Variants in RPRD2 observed in about 807,000 individuals in gnomAD.
The protein encoded by RPRD2 is regulation of nuclear pre-mRNA domain containing 2.
A neutral mutation model predicts 104.4 loss-of-function variants in RPRD2; 12 were observed. The observed-to-expected ratio is 0.11, with a 90% confidence interval of 0.07 to 0.19. RPRD2 has a LOEUF of 0.19. Ranked by LOEUF, RPRD2 falls within the 10% of genes least tolerant of loss-of-function variation. The pLI is 1.00. For synonymous variants in RPRD2, 714 were observed against 684.9 expected (o/e 1.04, Z -0.66); for missense variants, 1,543 against 1,790.1 (o/e 0.86, Z 2.49).
At chr1:150,370,311 C>T (rs1553878104) in intron 1 of RPRD2, among the ~76,000 whole-genome samples, 1 of 152,146 alleles carries the variant, frequency 6.6e-6, no homozygotes, top group African/African-American at 2.4e-5. Context: ...TACTGGATGA[C>T]ACTTTGCAAA....
At chr1:150,436,130 G>GA (rs587754906) in intron 2 of RPRD2, among the ~76,000 whole-genome samples, 14,274 of 129,420 alleles carry the variant, frequency 0.11, 765 homozygotes, top group Non-Finnish European at 0.14. Flanking sequence ...CTTGTTCAGG[G>GA]AAAAAAAAAA....
chr1:150,396,046 C>G (rs1553884149), intron 1 of RPRD2, among the ~76,000 whole-genome samples: 11 of 152,088 alleles, frequency 7.2e-5, no homozygotes, highest in Non-Finnish European at 5.9e-5. Context: ...TTGGAGGAGT[C>G]AGGTGGTATC....
At chr1:150,451,243 A>C (rs1667146712) in intron 7 of RPRD2, among the ~76,000 whole-genome samples, 1 of 152,176 alleles carries the variant, frequency 6.6e-6, no homozygotes, top group Admixed American at 6.5e-5. Flanking sequence ...TGTGTTCTTC[A>C]TGTTTCGTCT....
intron 2 of RPRD2, among the ~76,000 whole-genome samples, chr1:150,423,187 C>T (rs12759551): frequency 0.085 from 13,004 of 152,094 alleles, 677 homozygotes; most frequent in African/African-American, 0.11. Flanking sequence ...ACCATGAGAC[C>T]GGAATAGTTG....
At chr1:150,401,805 G>A (rs749435508) in intron 1 of RPRD2, among the ~76,000 whole-genome samples, 29 of 151,166 alleles carry the variant, frequency 1.9e-4, no homozygotes, top group Non-Finnish European at 3.2e-4. Context: ...CACCACGCCC[G>A]GCTAATTTTT....
rs190114235 is a variant in RPRD2 at position 150,416,043 on chromosome 1, G to A, written c.206-1553G>A. Among the ~76,000 whole-genome samples, 84 of 152,240 alleles carry A rather than the reference G, an allele frequency of 5.5e-4. 2 individuals carry two copies. The East Asian group carries it at 0.015, about 27-fold the overall frequency. On this transcript the variant is annotated intron_variant, in intron 1 of 10. Transcript: ENST00000369068. ...GTGGAGGGACTGTATGTAGCATTGC[G>A]GGCCCAGGTGAAGAAGGAGACTTTT...
At chr1:150,452,072 G>T (rs1350221816) in intron 7 of RPRD2, among the ~76,000 whole-genome samples, 3 of 149,848 alleles carry the variant, frequency 2.0e-5, no homozygotes, top group Non-Finnish European at 4.4e-5. Flanking sequence ...AACCCAGGAG[G>T]CAGAGGTTGC....
intron 1 of RPRD2, among the ~76,000 whole-genome samples, chr1:150,379,408 G>A (rs781859456): frequency 1.3e-5 from 2 of 151,540 alleles, no homozygotes; most frequent in Non-Finnish European, 2.9e-5. Context: ...TTTTATTTAC[G>A]TATTTTTTTT....
At chr1:150,445,659 CT>C (rs1403339631) in intron 6 of RPRD2, among the ~76,000 whole-genome samples, 1 of 152,118 alleles carries the variant, frequency 6.6e-6, no homozygotes, top group Non-Finnish European at 1.5e-5. Flanking sequence ...GTTGAACTTT[CT>C]TTTCTTTACC....
intron 1 of RPRD2, among the ~76,000 whole-genome samples, chr1:150,381,305 C>G (rs1661113804): frequency 6.6e-6 from 1 of 151,608 alleles, no homozygotes; most frequent in Non-Finnish European, 1.5e-5. Flanking sequence ...ACCTGCAGTC[C>G]TAGCTACTCA....
chr1:150,430,564 G>A (rs902755801), intron 2 of RPRD2, among the ~76,000 whole-genome samples: 11 of 152,272 alleles, frequency 7.2e-5, no homozygotes, highest in South Asian at 2.1e-4. Context: ...TACTCAGGAG[G>A]CTGAGGCGGG....
chr1:150,383,528 G>A (rs1661313909), intron 1 of RPRD2, among the ~76,000 whole-genome samples: 1 of 151,846 alleles, frequency 6.6e-6, no homozygotes, highest in African/African-American at 2.4e-5. Context: ...TGTTGGTCAG[G>A]CTGGTCTTGA....
Position 150,472,597 on chromosome 1 carries a change from C to A in RPRD2, c.3649C>A (p.Pro1217Thr). 8.7e-6 allele frequency: 14 copies of A among 1,613,968 alleles called. No individual in the cohort carries two copies. The highest frequency in any genetic ancestry group is 1.2e-5 in the Non-Finnish European group (14 of 1,179,864). The change falls in exon 11 of 11, where the codon CCT becomes ACT. Residue 1217 changes from proline (P) to threonine (T), a missense_variant. By Grantham distance (38) the Pro-to-Thr change is conservative. Transcript: ENST00000369068. ...GCCAGTGGGGCCATCATCTGCCCCA[C>A]CTGTCCCTCCTAAGGATCATGGTGG... ...REPVGPSSAP[P>T]VPPKDHGGIF...
intron 1 of RPRD2, among the ~76,000 whole-genome samples, chr1:150,388,603 A>G (rs1451662530): frequency 2.0e-5 from 3 of 149,018 alleles, no homozygotes; most frequent in Non-Finnish European, 4.4e-5. Flanking sequence ...CAATGAATCA[A>G]TATTGATATG....
rs1042433871 is a variant in RPRD2, at chr1:150,423,158, G to A, written c.335+5433G>A. On this transcript the variant is annotated intron_variant, in intron 2 of 10. Coordinates refer to ENST00000369068, the MANE Select transcript of RPRD2 (RefSeq NM_015203.5). Reference sequence around the variant, plus strand: ...TCCTAGCTAAGGGACAGAAATGCCAGTTTATCTGAATATACATCACCATGA... The same window carrying A: ...TCCTAGCTAAGGGACAGAAATGCCAATTTATCTGAATATACATCACCATGA... Among the ~76,000 whole-genome samples the A allele has an allele frequency of 2.0e-5, 3 of 152,166 alleles. No individual in the cohort carries two copies. The South Asian group carries it at 6.2e-4, about 32-fold the overall frequency.
rs931888289 is a variant in RPRD2 at position 150,443,256 on chromosome 1, C to A, written c.540C>A (p.Leu180=). ...SQTSTNPKAA[L]KSKIVAEFRS... is the part of the protein sequence containing the mutation. The stretch of plus-strand genomic sequence containing the variant: ...CATCTACAAATCCAAAAGCTGCTCT[C>A]AAGTCTAAGATAGTTGCTGAATTTC... Residue 180 remains leucine (L), a synonymous_variant, in exon 5 of 11, where the codon CTC becomes CTA. Coordinates refer to ENST00000369068, the MANE Select transcript of RPRD2 (RefSeq NM_015203.5). The A allele has an allele frequency of 5.1e-6, 8 of 1,577,328 alleles. No homozygotes were observed. The highest frequency in any genetic ancestry group is 3.7e-5 in the Admixed American group (2 of 54,120).
At chr1:150,389,828 G>GC (rs1418558531) in intron 1 of RPRD2, among the ~76,000 whole-genome samples, 3 of 152,186 alleles carry the variant, frequency 2.0e-5, no homozygotes, top group Non-Finnish European at 4.4e-5. Flanking sequence ...TAAAGAGTCA[G>GC]CTGAAACAGG....
chr1:150,386,005 G>A (rs985600226), intron 1 of RPRD2, among the ~76,000 whole-genome samples: 2 of 152,158 alleles, frequency 1.3e-5, no homozygotes, highest in African/African-American at 2.4e-5. Flanking sequence ...AGTTTGTATT[G>A]AAAGTGAGAG....
At position 150,474,232 on chromosome 1, in the gene RPRD2, A is replaced by C. The variant is rs1190477621; in HGVS notation, c.*898A>C. On this transcript the variant is annotated 3_prime_UTR_variant, in exon 11 of 11. Transcript: ENST00000369068. ...ATTGATACAAAGGTGCAACAGAAAT[A>C]TTATCCCTGCATTTTTAAATATAAG... is the stretch of plus-strand genomic sequence containing the variant. 6.6e-6 allele frequency: 1 copy of C among 152,216 alleles called. No homozygotes were observed. Among genetic ancestry groups the C allele is most frequent in the Non-Finnish European group, 1.5e-5 (1 of 68,030 alleles). The allele number at this position is 152,216 out of a possible 1,614,324, so 9.4% of individuals were successfully genotyped here.
Sources: allele counts gnomAD v4.1 joint callset (sites outside exome capture counted in the v4.1 genomes callset), GRCh38; gene constraint gnomAD v4.1.1; transcripts MANE v1.5; gene names NCBI Gene and HGNC (gene_info 2026-07-23, HGNC 2026-07-21).